RTKN: variants seen among roughly 807,000 people sequenced by gnomAD.
The protein encoded by RTKN is rhotekin.
A neutral mutation model predicts 63.5 loss-of-function variants in RTKN; 49 were observed. The ratio of observed to expected loss-of-function variants is 0.77; its 90% CI spans 0.61 to 0.98. The LOEUF (loss-of-function observed/expected upper bound fraction) is 0.98. RTKN is among the 50% of genes least tolerant of loss of function. RTKN has a pLI of 0.00. For missense variants in RTKN, 685 were observed against 740.8 expected, an observed-to-expected ratio of 0.92 and a Z score of 0.87; for synonymous variants, 295 against 290.4, an observed-to-expected ratio of 1.02 and a Z score of -0.16.
intron 1 of RTKN, chr2:74,439,637 G>A (rs1240619020): frequency 6.2e-7 from 1 of 1,613,696 alleles, no homozygotes; most frequent in African/African-American, 1.3e-5. Flanking sequence ...GTGCCCCCCG[G>A]TGCCCTTTCC....
chr2:74,426,053 G>A lies in RTKN; in HGVS notation c.*190C>T, dbSNP rs1670368032. The A allele has an allele frequency of 4.5e-6, 3 of 670,848 alleles. No homozygotes were observed. The highest frequency in any genetic ancestry group is 3.6e-5 in the South Asian group (2 of 54,798). 41.6% of individuals were successfully genotyped at this position (670,848 alleles called of 1,614,324 possible). A position where few individuals can be genotyped will look rare whatever the true frequency, so the allele number is the denominator to read the frequency against. ...GGAGGTCCCAGCGAGCCCCAGGAAT[G>A]AGTCCCTCGGTACCATGGCAACCAC... On this transcript the variant is annotated 3_prime_UTR_variant, in exon 12 of 12. Coordinates refer to ENST00000272430, the MANE Select transcript of RTKN (RefSeq NM_001015055.2).
rs371137569 is a variant in RTKN, at chr2:74,426,564, C to A, written c.1371G>T (p.Pro457=). ...CTGTCACCGCTGCGATGTCATCCAG[C>A]GGCTCAATAGCTGTGGCACCAGGAA... is the stretch of plus-strand genomic sequence containing the variant. The part of the protein sequence containing the change: ...GSLYHEMAIE[P]LDDIAAVTDI... The change falls in exon 12 of 12, where the codon CCG becomes CCT. Residue 457 remains proline (P), a synonymous_variant. Transcript: ENST00000272430. 2.6e-6 allele frequency: 4 copies of A among 1,528,320 alleles called. No individual in the cohort carries two copies. The East Asian group carries it at 9.1e-5, about 35-fold the overall frequency. 94.7% of individuals were successfully genotyped at this position (1,528,320 alleles called of 1,614,324 possible). A position where few individuals can be genotyped will look rare whatever the true frequency, so the allele number is the denominator to read the frequency against.
intron 9 of RTKN, 182 bp downstream of exon 9, chr2:74,428,086 C>T (rs551718377): frequency 3.5e-5 from 25 of 708,174 alleles, no homozygotes; most frequent in Admixed American, 2.0e-4. Context: ...GTGAATGGGA[C>T]GATCCTCTCA....
chr2:74,433,160 A>G (rs1225530178), intron 1 of RTKN, among the ~76,000 whole-genome samples: 3 of 151,258 alleles, frequency 2.0e-5, no homozygotes, highest in South Asian at 2.1e-4. Context: ...GGAGAATGGC[A>G]TGAACCCGGG....
In RTKN at chr2:74,432,483, C is replaced by T. The variant is rs1367092634; in HGVS notation, c.295G>A (p.Gly99Arg). ...CTTGCTCACCGCCGGCTTGTCTTCCCCAGCACCTGCGCCTCCTTGCGCCGC... is the reference window on the plus strand; with the variant it reads ...CTTGCTCACCGCCGGCTTGTCTTCCTCAGCACCTGCGCCTCCTTGCGCCGC... ...LQRRKEAQVL[G>R]KTSRRPSDSG... Residue 99 changes from glycine (G) to arginine (R), a missense_variant, in exon 2 of 12, where the codon GGG (glycine) becomes AGG (arginine). By Grantham distance (125) the Gly-to-Arg change is moderately radical. Coordinates refer to ENST00000272430, the MANE Select transcript of RTKN (RefSeq NM_001015055.2). 2 of 1,610,674 alleles carry T rather than the reference C, an allele frequency of 1.2e-6. No individual in the cohort carries two copies. The highest frequency in any genetic ancestry group is 1.7e-6 in the Non-Finnish European group (2 of 1,179,990).
chr2:74,434,280 CTTTT>C (rs902132687), intron 1 of RTKN, among the ~76,000 whole-genome samples: 2 of 128,060 alleles, frequency 1.6e-5, no homozygotes, highest in Non-Finnish European at 3.3e-5. Context: ...GTTTTGTATT[CTTTT>C]TTTTTTTTTT....
Position 74,430,259 on chromosome 2 carries a change from C to T in RTKN, c.538G>A (p.Val180Met). ...TLTDISFQSNVLFAEAGPDFE... is the reference protein window; with the variant it reads ...TLTDISFQSNMLFAEAGPDFE... ...ACAGTGTGAGGTACTCACAAGAGCA[C>T]ATTGCTCTGAAAGGAGATGTCTGTG... Residue 180 changes from valine (V) to methionine (M), a missense_variant, in exon 5 of 12, where the codon GTG (valine) becomes ATG (methionine). By Grantham distance (21) the Val-to-Met change is conservative. Coordinates refer to ENST00000272430, the MANE Select transcript of RTKN (RefSeq NM_001015055.2). 2 of 1,609,696 alleles carry T rather than the reference C, an allele frequency of 1.2e-6. No homozygotes were observed. The highest frequency in any genetic ancestry group is 1.7e-6 in the Non-Finnish European group (2 of 1,175,966).
chr2:74,432,417 A>C (rs775939487), intron 2 of RTKN, 50 bp downstream of exon 2: 1 of 1,554,484 alleles, frequency 6.4e-7, no homozygotes, highest in Non-Finnish European at 8.8e-7. Context: ...CACCACCACC[A>C]CCCAGAAGGC....
intron 1 of RTKN, among the ~76,000 whole-genome samples, chr2:74,433,097 G>C (rs1180852589): frequency 6.6e-6 from 1 of 151,970 alleles, no homozygotes; most frequent in Non-Finnish European, 1.5e-5. Context: ...CAAAAAATTA[G>C]CAGGGCGTGG....
rs1192281032 is a variant in RTKN at position 74,428,423 on chromosome 2, G to C, written c.958-27C>G. On this transcript the variant is annotated intron_variant, in intron 8 of 11. Transcript: ENST00000272430. ...TGCACAAATGACTCAACATTTTCTGGGGAAGTCACGGCCCCCAGTATCCCT... is the reference window on the plus strand; with the variant it reads ...TGCACAAATGACTCAACATTTTCTGCGGAAGTCACGGCCCCCAGTATCCCT... 6.8e-6 allele frequency: 11 copies of C among 1,613,916 alleles called. No individual in the cohort carries two copies. The Admixed American group carries it at 1.8e-4, about 27-fold the overall frequency.
chr2:74,426,838 G>A lies in RTKN; in HGVS notation c.1361-264C>T, dbSNP rs1433468681. ...GCAGAGGTGGGTGAAGAAACCAAGA[G>A]GAGAAAATGAAAGCGGTGCCAGGCA... On this transcript the variant is annotated intron_variant, in intron 11 of 11. Transcript: ENST00000272430. 9 of 1,347,194 alleles carry A rather than the reference G, an allele frequency of 6.7e-6. No homozygotes were observed. In the South Asian group the frequency reaches 8.7e-5, roughly 13 times the overall value. The allele number at this position is 1,347,194 out of a possible 1,614,324, so 83.5% of individuals were successfully genotyped here. A position where few individuals can be genotyped will look rare whatever the true frequency, so the allele number is the denominator to read the frequency against.
In RTKN at chr2:74,426,084, A is replaced by C. The variant is rs1192620717; in HGVS notation, c.*159T>G. 1.4e-6 allele frequency: 1 copy of C among 736,092 alleles called. No homozygotes were observed. The highest frequency in any genetic ancestry group is 2.3e-6 in the Non-Finnish European group (1 of 436,864). 45.6% of individuals were successfully genotyped at this position (736,092 alleles called of 1,614,324 possible). ...CTCGGTACCATGGCAACCACAATTT[A>C]AGAGGGGCTTCTGCCCACCCCTGCA... On this transcript the variant is annotated 3_prime_UTR_variant, in exon 12 of 12. Coordinates refer to ENST00000272430, the MANE Select transcript of RTKN (RefSeq NM_001015055.2).
intron 1 of RTKN, 152 bp downstream of exon 1, chr2:74,441,554 C>T (rs1671366184): frequency 4.9e-6 from 3 of 617,302 alleles, no homozygotes; most frequent in Middle Eastern, 4.3e-4. Flanking sequence ...CCGTCCACAC[C>T]TTACTTTTTA....
Position 74,429,932 on chromosome 2 carries a change from G to C in RTKN, c.651C>G (p.Leu217=). Residue 217 remains leucine, a synonymous_variant, in exon 6 of 12, where the codon CTC becomes CTG. Transcript: ENST00000272430. ...CTGAGGAGCGGCCCAGGGAGCTGCT[G>C]AGTTTGGTGGCAAGCCTCTTGGGGC... ...TGGPKRLATK[L]SSSLGRSSGR... is the part of the protein sequence containing the mutation. The C allele has an allele frequency of 1.2e-6, 2 of 1,614,220 alleles. No homozygotes were observed. The highest frequency in any genetic ancestry group is 1.7e-6 in the Non-Finnish European group (2 of 1,180,024).
At position 74,429,821 on chromosome 2, in the gene RTKN, G is replaced by T. The variant is rs762053320; in HGVS notation, c.755+7C>A. The T allele has an allele frequency of 6.2e-7, 1 of 1,612,090 alleles. No homozygotes were observed. The highest frequency in any genetic ancestry group is 8.5e-7 in the Non-Finnish European group (1 of 1,178,976). On this transcript the variant is annotated splice_region_variant and intron_variant, in intron 6 of 11. Transcript: ENST00000272430. ...GCTGAGGGTGGTGTCGGTGTGCAAG[G>T]CCTTACCCAACAACTGGGGTGGGGA...
Position 74,430,676 on chromosome 2 carries a change from G to C in RTKN, c.313C>G (p.Pro105Ala). ...TCAGCGGGCGGGCCACTGTCAGAAGGCCTGTGGATAAATCACAATGTCCTG... is the reference window on the plus strand; with the variant it reads ...TCAGCGGGCGGGCCACTGTCAGAAGCCCTGTGGATAAATCACAATGTCCTG... ...AQVLGKTSRR[P>A]SDSGPPAERS... The change falls in exon 3 of 12, where the codon CCT (proline) becomes GCT (alanine). Residue 105 changes from proline to alanine, a missense_variant and splice_region_variant. By Grantham distance (27) the Pro-to-Ala change is conservative. Coordinates refer to ENST00000272430, the MANE Select transcript of RTKN (RefSeq NM_001015055.2). 2 of 1,611,850 alleles carry C rather than the reference G, an allele frequency of 1.2e-6. No homozygotes were observed. Among genetic ancestry groups the C allele is most frequent in the Non-Finnish European group, 1.7e-6 (2 of 1,179,692 alleles).
At chr2:74,426,869 G>T (rs1204574414) in intron 11 of RTKN, 2 of 1,344,214 alleles carry the variant, frequency 1.5e-6, no homozygotes, top group Non-Finnish European at 1.9e-6. Flanking sequence ...AGGCAAGTGA[G>T]GGGTCAGAAG....
chr2:74,437,637 T>C (rs1671130221), intron 1 of RTKN, among the ~76,000 whole-genome samples: 1 of 152,380 alleles, frequency 6.6e-6, no homozygotes, highest in East Asian at 1.9e-4. Flanking sequence ...ACTTGAAATA[T>C]GGCTACAGCA....
intron 5 of RTKN, 26 bp downstream of exon 5, chr2:74,430,226 A>C: frequency 6.3e-7 from 1 of 1,591,070 alleles, no homozygotes; most frequent in Non-Finnish European, 8.6e-7. Context: ...TGGAGGAAGG[A>C]GGTAGCCACA....
Sources: gnomAD v4.1 joint callset for allele counts (sites outside exome capture counted in the v4.1 genomes callset) on GRCh38, gnomAD v4.1.1 for gene constraint, MANE v1.5 for transcripts, NCBI Gene and HGNC (gene_info 2026-07-23, HGNC 2026-07-21) for gene names.